The following FUT9 variants were observed in gnomAD, a reference collection of about 807,000 sequenced individuals.
FUT9 encodes the protein fucosyltransferase 9, also known as 4-galactosyl-N-acetylglucosaminide 3-alpha-L-fucosyltransferase 9.
Under a neutral mutation model 29.7 loss-of-function variants are expected in FUT9, and 15 were observed. That is an observed-to-expected ratio of 0.51 (90% CI 0.34 to 0.78). FUT9 has a LOEUF of 0.78. Among genes scored for constraint, FUT9 ranks in the 30% least tolerant of loss-of-function variants. FUT9 has a pLI of 0.01. For synonymous variants in FUT9, 169 were observed against 153.7 expected (o/e 1.10, Z -0.74); for missense variants, 319 against 425.4 (o/e 0.75, Z 2.20).
chr6:96,214,361 A>G lies in FUT9; in HGVS notation c.*10126A>G, dbSNP rs1773996508. On this transcript the variant is annotated 3_prime_UTR_variant, in exon 3 of 3. Coordinates refer to ENST00000302103, the MANE Select transcript of FUT9 (RefSeq NM_006581.4). ...CAGTCACCTGAGGTCAGGTCTGCAC[A>G]ACACTAAATTGGGCAATAACATAGA... 1 of 166,968 alleles carries G rather than the reference A, an allele frequency of 6.0e-6. No homozygotes were observed. Among genetic ancestry groups the G allele is most frequent in the Admixed American group, 6.6e-5 (1 of 15,250 alleles). The allele number at this position is 166,968 out of a possible 1,614,324, so 10.3% of individuals were successfully genotyped here.
intron 1 of FUT9, among the ~76,000 whole-genome samples, chr6:96,090,296 T>C (rs1771389481): frequency 7.6e-6 from 1 of 131,866 alleles, no homozygotes; most frequent in Non-Finnish European, 1.6e-5. Context: ...GTAAAGTCAA[T>C]TGTTTATGAA....
At chr6:96,112,381 A>G (rs1458446964) in intron 1 of FUT9, among the ~76,000 whole-genome samples, 1 of 152,240 alleles carries the variant, frequency 6.6e-6, no homozygotes, top group Admixed American at 6.5e-5. Context: ...AAAAAGAACA[A>G]TTAGGTGATA....
chr6:96,069,734 C>T (rs1771025990), intron 1 of FUT9, among the ~76,000 whole-genome samples: 1 of 151,802 alleles, frequency 6.6e-6, no homozygotes, highest in African/African-American at 2.4e-5. Context: ...CAGGTTCAAG[C>T]GATTCTCCAA....
chr6:96,133,117 C>G (rs574975828), intron 2 of FUT9, among the ~76,000 whole-genome samples: 11 of 151,846 alleles, frequency 7.2e-5, no homozygotes, highest in African/African-American at 2.7e-4. Context: ...GTCCCCAGGG[C>G]ACTTTTTTAA....
chr6:96,137,003 T>A (rs1199473458), intron 2 of FUT9, among the ~76,000 whole-genome samples: 2 of 152,008 alleles, frequency 1.3e-5, no homozygotes, highest in Non-Finnish European at 2.9e-5. Context: ...ACAGAATTTA[T>A]AAATCTTTGA....
chr6:96,200,422 T>C (rs139538957), intron 2 of FUT9, among the ~76,000 whole-genome samples: 205 of 152,222 alleles, frequency 1.3e-3, no homozygotes, highest in African/African-American at 4.7e-3. Flanking sequence ...GTTAAGCTGG[T>C]TACTTGTATC....
At chr6:96,101,760 C>A (rs937814102) in intron 1 of FUT9, among the ~76,000 whole-genome samples, 2 of 151,136 alleles carry the variant, frequency 1.3e-5, no homozygotes, top group African/African-American at 4.9e-5. Flanking sequence ...CTCCAGCTAT[C>A]CTCCCATCTC....
At chr6:96,064,714 TTCTTTA>T (rs1454743117) in intron 1 of FUT9, among the ~76,000 whole-genome samples, 7 of 152,086 alleles carry the variant, frequency 4.6e-5, no homozygotes, top group African/African-American at 9.7e-5. Flanking sequence ...ATTCAAACCA[TTCTTTA>T]TCTTTATCTT....
rs1305368315 is a variant in FUT9, at chr6:96,119,367, A to C, written c.-9+5240A>C. ...GTATAGTAACATGCTATAAGTTTGT[A>C]GCCTAGAAACAATAGCCTAAGTGTG... On this transcript the variant is annotated intron_variant, in intron 2 of 2. Coordinates refer to ENST00000302103, the MANE Select transcript of FUT9 (RefSeq NM_006581.4). Among the ~76,000 whole-genome samples, 3 of 152,206 alleles carry C rather than the reference A, an allele frequency of 2.0e-5. No individual in the cohort carries two copies. In the East Asian group the frequency reaches 5.8e-4, roughly 29 times the overall value.
chr6:96,074,969 G>A (rs556453161), intron 1 of FUT9, among the ~76,000 whole-genome samples: 11 of 151,816 alleles, frequency 7.2e-5, no homozygotes, highest in African/African-American at 2.7e-4. Context: ...TCTTTGTAGA[G>A]ACAGAGGTCT....
intron 1 of FUT9, among the ~76,000 whole-genome samples, chr6:96,020,490 C>G (rs1175177407): frequency 6.6e-6 from 1 of 152,076 alleles, no homozygotes; most frequent in Non-Finnish European, 1.5e-5. Context: ...CACAAAGTTT[C>G]AAGCCCACAG....
intron 2 of FUT9, among the ~76,000 whole-genome samples, chr6:96,118,535 TGTA>T (rs1771957987): frequency 6.6e-6 from 1 of 152,246 alleles, no homozygotes; most frequent in Admixed American, 6.5e-5. Context: ...TGTATAAAAG[TGTA>T]GTACATACTG....
intron 1 of FUT9, among the ~76,000 whole-genome samples, chr6:96,069,039 G>A (rs1001537500): frequency 1.3e-5 from 2 of 152,096 alleles, no homozygotes; most frequent in Non-Finnish European, 2.9e-5. Flanking sequence ...ATCATTGACC[G>A]GGCGCAGTGG....
chr6:96,022,869 CGT>C (rs1770099129), intron 1 of FUT9, among the ~76,000 whole-genome samples: 1 of 151,796 alleles, frequency 6.6e-6, no homozygotes, highest in African/African-American at 2.4e-5. Context: ...GTACCTGGTA[CGT>C]GTATATCCTG....
rs11347804 is a variant in FUT9, at chr6:96,120,269, C to CTTTTTTTTTTTT, written c.-9+6150_-9+6161dup. The stretch of plus-strand genomic sequence containing the variant: ...AAGACCCACTTTTTCTTTTTTCTTT[C>CTTTTTTTTTTTT]TTTTTTTTTTTTTTTTTTTGAGATG... On this transcript the variant is annotated intron_variant, in intron 2 of 2. Transcript: ENST00000302103. Among the ~76,000 whole-genome samples, 28 of 91,466 alleles carry CTTTTTTTTTTTT rather than the reference C, an allele frequency of 3.1e-4. 1 individual carries two copies. The highest frequency in any genetic ancestry group is 6.4e-4 in the East Asian group (2 of 3,120). The allele number at this position is 91,466 out of a possible 152,430, so 60.0% of individuals were successfully genotyped here.
chr6:96,136,792 G>A (rs1582259641), intron 2 of FUT9, among the ~76,000 whole-genome samples: 1 of 151,874 alleles, frequency 6.6e-6, no homozygotes, highest in East Asian at 1.9e-4. Flanking sequence ...TAAAACAATA[G>A]CAGAAAAAAA....
At chr6:96,059,205 G>A (rs994854349) in intron 1 of FUT9, among the ~76,000 whole-genome samples, 4 of 152,258 alleles carry the variant, frequency 2.6e-5, no homozygotes, top group Non-Finnish European at 5.9e-5. Flanking sequence ...AAAGAAGAGT[G>A]TATTTTCTGC....
intron 1 of FUT9, among the ~76,000 whole-genome samples, chr6:96,023,606 G>A (rs776761541): frequency 1.3e-5 from 2 of 151,906 alleles, no homozygotes; most frequent in Non-Finnish European, 2.9e-5. Flanking sequence ...GTATAGAAAA[G>A]CTGGTACTGG....
intron 1 of FUT9, among the ~76,000 whole-genome samples, chr6:96,089,685 A>T (rs1582221922): frequency 6.6e-6 from 1 of 152,154 alleles, no homozygotes; most frequent in South Asian, 2.1e-4. Flanking sequence ...GGAGGCATGA[A>T]CGCCTTTCTA....
Sources: allele counts gnomAD v4.1 joint callset (sites outside exome capture counted in the v4.1 genomes callset), GRCh38; gene constraint gnomAD v4.1.1; transcripts MANE v1.5; gene names NCBI Gene and HGNC (gene_info 2026-07-23, HGNC 2026-07-21).